Variants in PIGN observed in about 807,000 individuals in gnomAD.
PIGN encodes GPI ethanolamine phosphate transferase 1.
In PIGN, 117 loss-of-function variants were observed where a neutral mutation model predicts 125.4. The ratio of observed to expected loss-of-function variants is 0.93; its 90% confidence interval spans 0.80 to 1.09. PIGN has a LOEUF of 1.09. Among genes scored for constraint, PIGN ranks in the 50% least tolerant of loss-of-function variants. The pLI is 0.00. For missense variants in PIGN, 1,075 were observed against 1,094.9 expected, an observed-to-expected ratio of 0.98 and a Z score of 0.26; for synonymous variants, 392 against 377.8, an observed-to-expected ratio of 1.04 and a Z score of -0.44.
chr18:62,042,346 G>T lies in PIGN; in HGVS notation c.*3510C>A, dbSNP rs1007539476. On this transcript the variant is annotated 3_prime_UTR_variant, in exon 31 of 31. Coordinates refer to ENST00000640252, the MANE Select transcript of PIGN (RefSeq NM_176787.5). ...GAAAAAAAAAGAAAGAAAGAAAAAA[G>T]AAACTATTTTTATTATGACATTTAT... The T allele has an allele frequency of 6.6e-6, 1 of 151,998 alleles. No homozygotes were observed. The highest frequency in any genetic ancestry group is 1.5e-5 in the Non-Finnish European group (1 of 67,982). The allele number at this position is 151,998 out of a possible 1,614,324, so 9.4% of individuals were successfully genotyped here.
intron 17 of PIGN, among the ~76,000 whole-genome samples, chr18:62,107,758 A>T (rs572650553): frequency 3.3e-5 from 5 of 152,256 alleles, no homozygotes; most frequent in East Asian, 3.9e-4. Flanking sequence ...AAACTGAAAA[A>T]TTTTTTAAAA....
At chr18:62,056,183 C>T (rs573103529) in intron 30 of PIGN, among the ~76,000 whole-genome samples, 95 of 150,186 alleles carry the variant, frequency 6.3e-4, no homozygotes, top group African/African-American at 1.7e-3. Context: ...CCAAAGGAAA[C>T]GAAAAGTTTC....
chr18:62,144,033 A>C (rs62094046), intron 10 of PIGN, among the ~76,000 whole-genome samples: 36,184 of 152,118 alleles, frequency 0.24, 4,550 homozygotes, highest in Middle Eastern at 0.38. Flanking sequence ...AAGCTAATTA[A>C]AGTTTAAAAA....
At chr18:62,048,707 TTA>T (rs1491008399) in intron 30 of PIGN, among the ~76,000 whole-genome samples, 5 of 131,076 alleles carry the variant, frequency 3.8e-5, no homozygotes, top group South Asian at 2.5e-4. Flanking sequence ...TTTTTTTTTT[TTA>T]TTATTATTAT....
Position 62,109,967 on chromosome 18 carries a change from T to C in PIGN, c.1441A>G (p.Ser481Gly). Residue 481 changes from serine to glycine, a missense_variant, in exon 17 of 31, where the codon AGC (serine) becomes GGC (glycine). Transcript: ENST00000640252. ...ACAAAACTACAAGGCAGGAGATGGC[T>C]TGGTTTCTGAAAAATCAAACAAAAC... ...KGVSKEVKKP[S>G]HLLPCSFVAI... 6.2e-7 allele frequency: 1 copy of C among 1,613,320 alleles called. No individual in the cohort carries two copies. Among genetic ancestry groups the C allele is most frequent in the Middle Eastern group, 1.7e-4 (1 of 6,052 alleles).
rs2030619490 is a variant in PIGN, at chr18:62,045,710, C to T, written c.*146G>A. 2 of 677,064 alleles carry T rather than the reference C, an allele frequency of 3.0e-6. No individual in the cohort carries two copies. Among genetic ancestry groups the T allele is most frequent in the Non-Finnish European group, 4.6e-6 (2 of 433,126 alleles). 41.9% of individuals were successfully genotyped at this position (677,064 alleles called of 1,614,324 possible). A position where few individuals can be genotyped will look rare whatever the true frequency, so the allele number is the denominator to read the frequency against. ...AAGAAGCTCCTTTGTTCCAGATAAC[C>T]TGTCAATTCGGAATTCCAAATACCA... is the stretch of plus-strand genomic sequence containing the variant. On this transcript the variant is annotated 3_prime_UTR_variant, in exon 31 of 31. Transcript: ENST00000640252.
intron 19 of PIGN, among the ~76,000 whole-genome samples, chr18:62,106,549 A>T (rs77000930): frequency 2.4e-3 from 361 of 152,326 alleles, no homozygotes; most frequent in Non-Finnish European, 4.3e-3. Context: ...AGAGATGGAC[A>T]TATCAGTACA....
In PIGN at chr18:62,154,606, C is replaced by G. The variant is rs762617243; in HGVS notation, c.488G>C (p.Arg163Thr). ...TGCATCTTGAGCACCAAAATCCTCT[C>G]TTTTAGCATCATAACTATATGTATA... ...HVYTYSYDAK[R>T]EDFGAQDATK... is the part of the protein sequence containing the mutation. The change falls in exon 7 of 31, where the codon AGA (arginine) becomes ACA (threonine). Residue 163 changes from arginine (R) to threonine (T), a missense_variant. Arg to Thr is a moderately conservative substitution (Grantham distance 71). Around this residue, in one of 3 missense-constraint regions of PIGN, gnomAD observed 915 missense variants for 908.7 expected, o/e 1.01. Transcript: ENST00000640252. 1.3e-6 allele frequency: 2 copies of G among 1,592,866 alleles called. No homozygotes were observed. Among genetic ancestry groups the G allele is most frequent in the Non-Finnish European group, 1.7e-6 (2 of 1,161,786 alleles).
At chr18:62,108,509 A>G (rs1208941051) in intron 17 of PIGN, among the ~76,000 whole-genome samples, 1 of 152,030 alleles carries the variant, frequency 6.6e-6, no homozygotes, top group African/African-American at 2.4e-5. Flanking sequence ...AGAGGTAACA[A>G]TATGTTATTT....
At chr18:62,146,846 G>T (rs2036348051) in intron 9 of PIGN, 125 bp downstream of exon 9, 2 of 874,692 alleles carry the variant, frequency 2.3e-6, no homozygotes, top group East Asian at 3.1e-5. Context: ...TTTAAGCACA[G>T]AATTATGTGC....
At chr18:62,105,191 C>T (rs2034587778) in intron 20 of PIGN, 1 of 163,652 alleles carries the variant, frequency 6.1e-6, no homozygotes, top group Non-Finnish European at 1.3e-5. Flanking sequence ...AGCTTTGAGA[C>T]ATTTTTGTTT....
At chr18:62,089,108 T>G (rs1034690300) in intron 24 of PIGN, among the ~76,000 whole-genome samples, 2 of 151,704 alleles carry the variant, frequency 1.3e-5, no homozygotes, top group Non-Finnish European at 2.9e-5. Flanking sequence ...GAGAATTGAG[T>G]TTTTTCTTAT....
intron 11 of PIGN, among the ~76,000 whole-genome samples, chr18:62,140,939 G>A (rs1488417337): frequency 2.0e-5 from 3 of 152,178 alleles, no homozygotes; most frequent in Non-Finnish European, 2.9e-5. Context: ...AGGCTCTTTA[G>A]TCAAAAGATC....
chr18:62,182,572 A>G (rs1369875049), intron 1 of PIGN, among the ~76,000 whole-genome samples: 1 of 152,196 alleles, frequency 6.6e-6, no homozygotes, highest in African/African-American at 2.4e-5. Flanking sequence ...CTATAATTTA[A>G]GATGTATACC....
intron 30 of PIGN, among the ~76,000 whole-genome samples, chr18:62,071,798 C>CCAG (rs2032863818): frequency 6.8e-6 from 1 of 147,588 alleles, no homozygotes; most frequent in Admixed American, 6.8e-5. Flanking sequence ...CAATAAACAA[C>CCAG]TGTTACCAGT....
At chr18:62,072,411 A>G (rs1056834145) in intron 30 of PIGN, 7 of 281,952 alleles carry the variant, frequency 2.5e-5, no homozygotes, top group African/African-American at 1.5e-4. Flanking sequence ...TGAATTTTTT[A>G]CTATACCTTT....
intron 14 of PIGN, among the ~76,000 whole-genome samples, chr18:62,134,698 A>T (rs2035862368): frequency 6.6e-6 from 1 of 152,232 alleles, no homozygotes; most frequent in Non-Finnish European, 1.5e-5. Flanking sequence ...ACAAAGTTTT[A>T]TGCTACAATT....
chr18:62,066,479 G>C (rs1192820000), intron 30 of PIGN, among the ~76,000 whole-genome samples: 4 of 152,200 alleles, frequency 2.6e-5, no homozygotes, highest in Admixed American at 2.6e-4. Context: ...TAGCACAGTA[G>C]AAGTGTTGGT....
intron 22 of PIGN, among the ~76,000 whole-genome samples, chr18:62,099,314 T>C (rs941781463): frequency 3.9e-5 from 6 of 152,030 alleles, no homozygotes; most frequent in South Asian, 2.1e-4. Flanking sequence ...AAACAATCAA[T>C]AAAGCAAAGA....
Sources: gnomAD v4.1 joint callset for allele counts (sites outside exome capture counted in the v4.1 genomes callset) on GRCh38, gnomAD v4.1.1 for gene constraint, gnomAD v4.1.1 regional missense constraint, MANE v1.5 for transcripts, NCBI Gene and HGNC (gene_info 2026-07-23, HGNC 2026-07-21) for gene names.